Variants in GRM7 observed in about 807,000 individuals in gnomAD.
GRM7 encodes the protein glutamate metabotropic receptor 7.
A neutral mutation model predicts 84.5 loss-of-function variants in GRM7; 35 were observed. The observed-to-expected ratio is 0.41, with a 90% CI of 0.32 to 0.55. The LOEUF (loss-of-function observed/expected upper bound fraction) is 0.55, where lower values mean the gene tolerates loss of function less well. GRM7 is among the 20% of genes least tolerant of loss of function. GRM7 has a pLI of 0.19. For synonymous variants in GRM7, 487 were observed against 455.1 expected, an observed-to-expected ratio of 1.07 and a Z score of -0.89; for missense variants, 1,003 against 1,194.6, an observed-to-expected ratio of 0.84 and a Z score of 2.36.
chr3:7,040,797 G>A (rs1217097331), intron 1 of GRM7, among the ~76,000 whole-genome samples: 2 of 151,788 alleles, frequency 1.3e-5, no homozygotes, highest in Non-Finnish European at 2.9e-5. Flanking sequence ...AAATGATGAG[G>A]TCAGGCCAGG....
intron 2 of GRM7, among the ~76,000 whole-genome samples, chr3:7,253,439 A>T (rs1363576691): frequency 6.6e-6 from 1 of 151,638 alleles, no homozygotes; most frequent in Non-Finnish European, 1.5e-5. Context: ...ATATGGTGAA[A>T]CCCCGTCTCT....
chr3:7,176,828 A>G (rs1378844464), intron 2 of GRM7, among the ~76,000 whole-genome samples: 1 of 152,246 alleles, frequency 6.6e-6, no homozygotes, highest in East Asian at 1.9e-4. Flanking sequence ...CAGAAAACTC[A>G]TCCATCTTCT....
At chr3:7,124,556 C>A (rs528449069) in intron 1 of GRM7, among the ~76,000 whole-genome samples, 243 of 152,098 alleles carry the variant, frequency 1.6e-3, no homozygotes, top group Admixed American at 4.8e-3. Flanking sequence ...TGGAACCTGG[C>A]AAACCCAGAA....
chr3:7,454,541 CTATA>C (rs1246196838), intron 6 of GRM7, among the ~76,000 whole-genome samples: 10 of 151,942 alleles, frequency 6.6e-5, no homozygotes, highest in African/African-American at 2.4e-4. Flanking sequence ...TAGTATCTGA[CTATA>C]TAAGGCTGAA....
At chr3:6,964,564 A>G (rs561258472) in intron 1 of GRM7, among the ~76,000 whole-genome samples, 1 of 152,244 alleles carries the variant, frequency 6.6e-6, no homozygotes, top group African/African-American at 2.4e-5. Context: ...TTCATAATAT[A>G]AACGTGGTTT....
intron 2 of GRM7, among the ~76,000 whole-genome samples, chr3:7,213,781 G>C (rs1377831535): frequency 6.6e-6 from 1 of 152,136 alleles, no homozygotes; most frequent in Non-Finnish European, 1.5e-5. Flanking sequence ...TGGAGACGGA[G>C]CATGGCTTTG....
At chr3:7,192,382 A>G (rs147431641) in intron 2 of GRM7, among the ~76,000 whole-genome samples, 68 of 152,208 alleles carry the variant, frequency 4.5e-4, no homozygotes, top group Non-Finnish European at 7.9e-4. Context: ...CTCCTCTCCA[A>G]TTCTCCAAGA....
chr3:7,427,423 A>G (rs373249497), intron 5 of GRM7, among the ~76,000 whole-genome samples: 137 of 152,336 alleles, frequency 9.0e-4, no homozygotes, highest in South Asian at 3.9e-3. Flanking sequence ...TTAAAACCCT[A>G]ATAGTAAAAA....
intron 7 of GRM7, among the ~76,000 whole-genome samples, chr3:7,571,174 C>T (rs1168667567): frequency 3.3e-5 from 5 of 152,168 alleles, no homozygotes; most frequent in Non-Finnish European, 7.4e-5. Context: ...GCCCTGGAGA[C>T]ATTTTCCCCA....
intron 2 of GRM7, among the ~76,000 whole-genome samples, chr3:7,232,084 T>C (rs965951739): frequency 6.6e-6 from 1 of 152,178 alleles, no homozygotes; most frequent in Non-Finnish European, 1.5e-5. Context: ...GATGCAGTTA[T>C]ATCTGAGATG....
At chr3:7,675,274 T>TC in intron 8 of GRM7, among the ~76,000 whole-genome samples, 1 of 152,348 alleles carries the variant, frequency 6.6e-6, no homozygotes, top group South Asian at 2.1e-4. Flanking sequence ...GAGAATATTC[T>TC]GGTTTTCAAA....
chr3:7,681,887 A>G (rs924276379), intron 9 of GRM7: 4 of 152,270 alleles, frequency 2.6e-5, no homozygotes, highest in Non-Finnish European at 5.9e-5. Flanking sequence ...AGAAAATACT[A>G]TATCAACTAA....
chr3:6,887,565 A>C (rs1695748739), intron 1 of GRM7, among the ~76,000 whole-genome samples: 1 of 152,036 alleles, frequency 6.6e-6, no homozygotes, highest in Non-Finnish European at 1.5e-5. Context: ...TGAACTCATC[A>C]TTTTTTATGG....
Position 7,656,549 on chromosome 3 carries a change from A to G in GRM7, c.2452-23500A>G, listed in dbSNP as rs920361873. 6.2e-5 allele frequency among the ~76,000 whole-genome samples: 7 copies of G among 113,748 alleles called. No homozygotes were observed. The East Asian group carries it at 1.5e-3, about 25-fold the overall frequency. 74.6% of individuals were successfully genotyped at this position (113,748 alleles called of 152,430 possible). ...TATATATATATATATACGCGCGCGC[A>G]CACACACACACACACACACACACAC... On this transcript the variant is annotated intron_variant, in intron 8 of 9. Coordinates refer to ENST00000357716, the MANE Select transcript of GRM7 (RefSeq NM_000844.4).
At chr3:7,361,946 G>A (rs1693682368) in intron 4 of GRM7, among the ~76,000 whole-genome samples, 1 of 151,966 alleles carries the variant, frequency 6.6e-6, no homozygotes, top group South Asian at 2.1e-4. Context: ...GGCTCTCTAG[G>A]GATAATTTCT....
intron 9 of GRM7, among the ~76,000 whole-genome samples, chr3:7,690,207 T>C (rs1229660948): frequency 6.6e-6 from 1 of 152,166 alleles, no homozygotes; most frequent in Admixed American, 6.5e-5. Flanking sequence ...GGAAGCAGCC[T>C]GAGGGTAGAA....
chr3:6,872,727 T>C (rs1157109096), intron 1 of GRM7, among the ~76,000 whole-genome samples: 1 of 152,074 alleles, frequency 6.6e-6, no homozygotes, highest in Non-Finnish European at 1.5e-5. Context: ...GGTTTCCTGT[T>C]CCTGTGTTAG....
chr3:6,895,405 G>A (rs1200865825), intron 1 of GRM7, among the ~76,000 whole-genome samples: 2 of 152,174 alleles, frequency 1.3e-5, no homozygotes, highest in African/African-American at 4.8e-5. Flanking sequence ...AACCACACTT[G>A]TAATAATGAC....
chr3:7,419,348 G>A (rs886257409), intron 5 of GRM7, among the ~76,000 whole-genome samples: 1 of 152,054 alleles, frequency 6.6e-6, no homozygotes, highest in African/African-American at 2.4e-5. Flanking sequence ...TGTATCCAAG[G>A]CCCAGTGACA....
Sources: allele counts gnomAD v4.1 joint callset (sites outside exome capture counted in the v4.1 genomes callset), GRCh38; gene constraint gnomAD v4.1.1; transcripts MANE v1.5; gene names NCBI Gene and HGNC (gene_info 2026-07-23, HGNC 2026-07-21).